The following NLGN1 variants were observed in gnomAD, a reference collection of about 807,000 sequenced individuals.
NLGN1 encodes the protein neuroligin-1.
NLGN1 carries 12 observed loss-of-function variants against 65.5 expected under a neutral mutation model. The observed-to-expected ratio is 0.18, with a 90% CI of 0.12 to 0.30. The LOEUF (loss-of-function observed/expected upper bound fraction) is 0.30, where lower values mean the gene tolerates loss of function less well. Among genes scored for constraint, NLGN1 ranks in the 10% least tolerant of loss-of-function variants. The pLI, the probability that NLGN1 is intolerant of heterozygous loss-of-function variation, is 1.00. For synonymous variants in NLGN1, 350 were observed against 359.5 expected (o/e 0.97, Z 0.30); for missense variants, 750 against 1,007.1 (o/e 0.74, Z 3.46).
chr3:173,413,528 A>C (rs1200357007), intron 1 of NLGN1, among the ~76,000 whole-genome samples: 1 of 152,154 alleles, frequency 6.6e-6, no homozygotes, highest in Non-Finnish European at 1.5e-5. Flanking sequence ...TGAACCCAGG[A>C]GGCAGAGGTT....
chr3:174,209,293 CTTCT>C (rs1188713833), intron 4 of NLGN1, among the ~76,000 whole-genome samples: 1 of 152,194 alleles, frequency 6.6e-6, no homozygotes, highest in African/African-American at 2.4e-5. Context: ...TCCATCCTTC[CTTCT>C]GACTGCACTA....
intron 4 of NLGN1, among the ~76,000 whole-genome samples, chr3:173,892,575 T>TA (rs58100019): frequency 0.26 from 33,587 of 130,890 alleles, 4,112 homozygotes; most frequent in East Asian, 0.35. Context: ...GAAGGCAAAC[T>TA]AAAAAAAAAA....
intron 2 of NLGN1, among the ~76,000 whole-genome samples, chr3:173,483,816 A>G (rs888270568): frequency 6.6e-6 from 1 of 152,148 alleles, no homozygotes; most frequent in African/African-American, 2.4e-5. Flanking sequence ...AAGAAACAAA[A>G]GCATCACATG....
chr3:173,625,989 TA>T (rs1277368595), intron 3 of NLGN1, among the ~76,000 whole-genome samples: 1 of 152,126 alleles, frequency 6.6e-6, no homozygotes, highest in Non-Finnish European at 1.5e-5. Context: ...ATTGAGTTTT[TA>T]TTAGCAACTA....
chr3:173,459,085 A>G (rs1372904703), intron 2 of NLGN1, among the ~76,000 whole-genome samples: 2 of 152,030 alleles, frequency 1.3e-5, no homozygotes, highest in Non-Finnish European at 2.9e-5. Context: ...AGAAGAAAGA[A>G]GAGGGTATTT....
intron 3 of NLGN1, chr3:173,789,818 T>C (rs1267491926): frequency 2.0e-6 from 1 of 496,024 alleles, no homozygotes; most frequent in South Asian, 1.5e-5. Context: ...AATTCAAACT[T>C]TCATATTTGA....
intron 4 of NLGN1, among the ~76,000 whole-genome samples, chr3:174,063,443 A>G (rs1737828885): frequency 6.6e-6 from 1 of 152,210 alleles, no homozygotes; most frequent in Admixed American, 6.6e-5. Flanking sequence ...CAATTTTGAG[A>G]TAAATAGAAG....
At chr3:174,067,740 T>G (rs1256297916) in intron 4 of NLGN1, among the ~76,000 whole-genome samples, 1 of 152,162 alleles carries the variant, frequency 6.6e-6, no homozygotes, top group East Asian at 1.9e-4. Context: ...CCCTGATGAC[T>G]AAACTTAGAT....
chr3:174,287,092 T>A (rs903347974), downstream of NLGN1, among the ~76,000 whole-genome samples: 3 of 151,490 alleles, frequency 2.0e-5, no homozygotes, highest in Non-Finnish European at 4.4e-5. Flanking sequence ...AGAACAAAAT[T>A]AATAATATCT....
intron 4 of NLGN1, among the ~76,000 whole-genome samples, chr3:174,090,455 A>AG (rs1328090520): frequency 5.9e-5 from 9 of 152,152 alleles, no homozygotes; most frequent in African/African-American, 2.2e-4. Context: ...CCTGGGGGAC[A>AG]GAGCGAGACT....
At chr3:173,422,826 G>T (rs115906598) in intron 1 of NLGN1, among the ~76,000 whole-genome samples, 2 of 152,170 alleles carry the variant, frequency 1.3e-5, no homozygotes, top group Non-Finnish European at 2.9e-5. Flanking sequence ...AATTTTTGCT[G>T]TTGAGTTGAG....
chr3:173,567,594 C>A (rs145345209), intron 2 of NLGN1, among the ~76,000 whole-genome samples: 3,576 of 151,376 alleles, frequency 0.024, 57 homozygotes, highest in Middle Eastern at 0.05. Context: ...GTATGCTGAA[C>A]ATTTTACTGT....
Position 174,142,534 on chromosome 3 carries a change from A to C in NLGN1, c.647-132781A>C, listed in dbSNP as rs111526142. On this transcript the variant is annotated intron_variant, in intron 4 of 6. Coordinates refer to ENST00000457714, the Ensembl canonical transcript of NLGN1. ...AATTTTCTGGTTTGTTTCAAGCAGC[A>C]GTACTGATTTACAGTAGAAATGTGA... Among the ~76,000 whole-genome samples the C allele has an allele frequency of 3.6e-3, 545 of 152,322 alleles. 7 individuals carry two copies. The highest frequency in any genetic ancestry group is 0.012 in the African/African-American group (515 of 41,584).
intron 4 of NLGN1, among the ~76,000 whole-genome samples, chr3:174,125,116 T>C (rs1020488136): frequency 1.3e-5 from 2 of 152,082 alleles, no homozygotes; most frequent in Non-Finnish European, 2.9e-5. Flanking sequence ...TTTTTATTTG[T>C]ATTCTAAGAG....
chr3:173,398,706 T>C (rs967778442), intron 1 of NLGN1, among the ~76,000 whole-genome samples: 3 of 152,238 alleles, frequency 2.0e-5, no homozygotes, highest in Non-Finnish European at 4.4e-5. Flanking sequence ...GTGATACATA[T>C]AACACTTGGG....
intron 1 of NLGN1, among the ~76,000 whole-genome samples, chr3:173,430,568 T>C (rs1229267018): frequency 6.6e-6 from 1 of 152,236 alleles, no homozygotes; most frequent in East Asian, 1.9e-4. Flanking sequence ...CCTTCTCCCC[T>C]GTAAAGCTGT....
intron 3 of NLGN1, among the ~76,000 whole-genome samples, chr3:173,619,751 A>G (rs191727455): frequency 4.6e-4 from 70 of 152,340 alleles, no homozygotes; most frequent in Admixed American, 4.6e-4. Flanking sequence ...GCCACTCACT[A>G]TAACAAACAT....
chr3:173,691,260 C>T (rs1300788672), intron 3 of NLGN1, among the ~76,000 whole-genome samples: 1 of 152,020 alleles, frequency 6.6e-6, no homozygotes. Flanking sequence ...TAATTCATAT[C>T]CCTCTGTCTC....
At chr3:173,919,736 T>C (rs1307235733) in intron 4 of NLGN1, among the ~76,000 whole-genome samples, 7 of 152,138 alleles carry the variant, frequency 4.6e-5, no homozygotes, top group Non-Finnish European at 4.4e-5. Context: ...ATTTTACTCA[T>C]GTTTTTATCT....
Sources: allele counts gnomAD v4.1 joint callset (sites outside exome capture counted in the v4.1 genomes callset), GRCh38; gene constraint gnomAD v4.1.1; transcripts MANE v1.5; gene names NCBI Gene and HGNC (gene_info 2026-07-23, HGNC 2026-07-21).